CAMK4: variants seen among roughly 807,000 people sequenced by gnomAD.
CAMK4 encodes the protein calcium/calmodulin-dependent protein kinase type IV.
CAMK4 carries 22 observed loss-of-function variants against 44.9 expected under a neutral mutation model. The ratio of observed to expected loss-of-function variants is 0.49; its 90% CI spans 0.35 to 0.70. The LOEUF (loss-of-function observed/expected upper bound fraction) is 0.70, where lower values mean the gene tolerates loss of function less well. Among genes scored for constraint, CAMK4 ranks in the 30% least tolerant of loss-of-function variants. CAMK4 has a pLI of 0.01. For synonymous variants in CAMK4, 218 were observed against 215.4 expected, an observed-to-expected ratio of 1.01 and a Z score of -0.11; for missense variants, 498 against 586.8, an observed-to-expected ratio of 0.85 and a Z score of 1.56.
intron 4 of CAMK4, among the ~76,000 whole-genome samples, chr5:111,388,973 T>G (rs1751701854): frequency 6.6e-6 from 1 of 152,110 alleles, no homozygotes; most frequent in South Asian, 2.1e-4. Flanking sequence ...CCCTAGACAT[T>G]CCCACAAGAA....
At chr5:111,470,374 A>T (rs1440561182) in intron 7 of CAMK4, among the ~76,000 whole-genome samples, 1 of 152,258 alleles carries the variant, frequency 6.6e-6, no homozygotes, top group East Asian at 1.9e-4. Context: ...CTACAGATAC[A>T]GTTCCTTAAA....
intron 1 of CAMK4, among the ~76,000 whole-genome samples, chr5:111,233,313 T>C (rs1230255807): frequency 6.6e-6 from 1 of 152,230 alleles, no homozygotes; most frequent in East Asian, 1.9e-4. Context: ...GCACAAGCTT[T>C]AAATGCATAC....
In CAMK4 at chr5:111,381,198, G is replaced by T. The variant is rs76638719; in HGVS notation, c.386+4256G>T. ...TTCCTAAATCCTTCCCTTCCTTAGTGTATTAGTTAAGGATCTGTAAAGGGA... is the reference window on the plus strand; with the variant it reads ...TTCCTAAATCCTTCCCTTCCTTAGTTTATTAGTTAAGGATCTGTAAAGGGA... On this transcript the variant is annotated intron_variant, in intron 4 of 10. Transcript: ENST00000282356. 2.3e-3 allele frequency among the ~76,000 whole-genome samples: 356 copies of T among 152,212 alleles called. 1 individual carries two copies. Among genetic ancestry groups the T allele is most frequent in the African/African-American group, 8.1e-3 (336 of 41,522 alleles).
Position 111,376,856 on chromosome 5 carries a change from C to T in CAMK4, c.304-4C>T. The T allele has an allele frequency of 1.3e-6, 2 of 1,524,392 alleles. No individual in the cohort carries two copies. The highest frequency in any genetic ancestry group is 1.8e-6 in the Non-Finnish European group (2 of 1,109,898). 94.4% of individuals were successfully genotyped at this position (1,524,392 alleles called of 1,614,324 possible). On this transcript the variant is annotated splice_region_variant and splice_polypyrimidine_tract_variant and intron_variant, in intron 3 of 10. Transcript: ENST00000282356. ...GATATTCTTTTTTTTATATCTTTCC[C>T]TAGATAAAACTTAAAGAGATATTTG...
At chr5:111,308,476 C>T (rs1748040045) in intron 1 of CAMK4, among the ~76,000 whole-genome samples, 1 of 152,102 alleles carries the variant, frequency 6.6e-6, no homozygotes, top group Non-Finnish European at 1.5e-5. Flanking sequence ...ATTCCCTTTA[C>T]TGTAGTTATT....
intron 6 of CAMK4, 84 bp downstream of exon 6, chr5:111,446,860 A>G: frequency 2.5e-6 from 2 of 805,108 alleles, no homozygotes; most frequent in Non-Finnish European, 4.5e-6. Context: ...ATATTGCTCC[A>G]TCCAGTTTTA....
intron 1 of CAMK4, among the ~76,000 whole-genome samples, chr5:111,288,135 G>T (rs1405867660): frequency 3.3e-5 from 5 of 152,150 alleles, no homozygotes; most frequent in Admixed American, 3.3e-4. Context: ...CATGTTTTGA[G>T]CATGGTTCTA....
intron 1 of CAMK4, among the ~76,000 whole-genome samples, chr5:111,245,970 A>G (rs954460746): frequency 6.6e-6 from 1 of 152,220 alleles, no homozygotes; most frequent in Non-Finnish European, 1.5e-5. Context: ...TGATGTTAAC[A>G]TTATTTTTCT....
In CAMK4 at chr5:111,448,266, T is replaced by C. The variant is rs115183700; in HGVS notation, c.551-863T>C. On this transcript the variant is annotated intron_variant, in intron 6 of 10. Coordinates refer to ENST00000282356, the MANE Select transcript of CAMK4 (RefSeq NM_001744.6). ...CCAAAAAAATCTTATAGTCTTCTTA[T>C]GAGAGTAAATTCTTATAAGTGAAAT... Among the ~76,000 whole-genome samples, 472 of 152,374 alleles carry C rather than the reference T, an allele frequency of 3.1e-3. 2 individuals are homozygous for C. The highest frequency in any genetic ancestry group is 4.7e-3 in the Non-Finnish European group (322 of 68,040).
At position 111,413,925 on chromosome 5, in the gene CAMK4, T is replaced by A. The variant is rs1752719820; in HGVS notation, c.459+19143T>A. Among the ~76,000 whole-genome samples the A allele has an allele frequency of 2.0e-5, 3 of 152,000 alleles. No homozygotes were observed. In the East Asian group the frequency reaches 5.8e-4, roughly 29 times the overall value. On this transcript the variant is annotated intron_variant, in intron 5 of 10. Coordinates refer to ENST00000282356, the MANE Select transcript of CAMK4 (RefSeq NM_001744.6). ...TAAATGTATAAAAAGTGTCATAAAC[T>A]GATAATAAATTAGAAATTTAAATAT... is the stretch of plus-strand genomic sequence containing the variant.
chr5:111,459,686 CTTTTTTTTTTT>C (rs56176713), intron 7 of CAMK4, among the ~76,000 whole-genome samples: 12 of 86,682 alleles, frequency 1.4e-4, no homozygotes, highest in African/African-American at 4.5e-4. Context: ...TAGAGACAGT[CTTTTTTTTTTT>C]TTTTTTTTTT....
chr5:111,384,887 T>A (rs1199048198), intron 4 of CAMK4, among the ~76,000 whole-genome samples: 1 of 152,058 alleles, frequency 6.6e-6, no homozygotes, highest in East Asian at 1.9e-4. Flanking sequence ...CTTTTAAACA[T>A]GACAAAAAAA....
At chr5:111,466,617 ATACT>A (rs545116225) in intron 7 of CAMK4, among the ~76,000 whole-genome samples, 137 of 152,320 alleles carry the variant, frequency 9.0e-4, no homozygotes, top group African/African-American at 3.2e-3. Context: ...AAAAATTAAA[ATACT>A]TAGGAACAAA....
chr5:111,348,745 A>G (rs1447851779), intron 2 of CAMK4, among the ~76,000 whole-genome samples: 1 of 152,052 alleles, frequency 6.6e-6, no homozygotes, highest in Non-Finnish European at 1.5e-5. Context: ...TGGTATTTCA[A>G]CATTTCAGAT....
intron 1 of CAMK4, among the ~76,000 whole-genome samples, chr5:111,241,277 G>A (rs1748978284): frequency 6.6e-6 from 1 of 151,912 alleles, no homozygotes; most frequent in African/African-American, 2.4e-5. Context: ...CTTAGTCTTT[G>A]CCTGTTTTTC....
chr5:111,395,084 C>T (rs1203185427), intron 5 of CAMK4, among the ~76,000 whole-genome samples: 2 of 151,164 alleles, frequency 1.3e-5, no homozygotes, highest in African/African-American at 4.9e-5. Flanking sequence ...TGACGCACAC[C>T]TGTAATTCCA....
chr5:111,398,020 T>C (rs1317164824), intron 5 of CAMK4, among the ~76,000 whole-genome samples: 2 of 152,150 alleles, frequency 1.3e-5, no homozygotes, highest in Non-Finnish European at 2.9e-5. Context: ...ACTGTAAGGC[T>C]ACAGAGGTGT....
Position 111,374,834 on chromosome 5 carries a change from T to C in CAMK4, c.241-16T>C. On this transcript the variant is annotated splice_polypyrimidine_tract_variant and intron_variant, in intron 2 of 10. Coordinates refer to ENST00000282356, the MANE Select transcript of CAMK4 (RefSeq NM_001744.6). ...GGGAGTTTCTTTCAGTTTATCTCTT[T>C]TATTTTGCCTTTTAGGTGGACAAAA... 1.3e-6 allele frequency: 2 copies of C among 1,570,578 alleles called. No individual in the cohort carries two copies. Among genetic ancestry groups the C allele is most frequent in the Non-Finnish European group, 1.8e-6 (2 of 1,141,152 alleles).
In CAMK4 at chr5:111,256,207, A is replaced by G. The variant is rs559176400; in HGVS notation, c.161+31563A>G. 1.0e-3 allele frequency among the ~76,000 whole-genome samples: 157 copies of G among 152,366 alleles called. No individual in the cohort carries two copies. In the South Asian group the frequency reaches 0.031, roughly 30 times the overall value. On this transcript the variant is annotated intron_variant, in intron 1 of 10. Coordinates refer to ENST00000282356, the MANE Select transcript of CAMK4 (RefSeq NM_001744.6). ...TCTCAAAAGGTGTGATTCTGCTTAT[A>G]TAACACTTTCAAAATGACCAAATTA...
Sources: gnomAD v4.1 joint callset for allele counts (sites outside exome capture counted in the v4.1 genomes callset) on GRCh38, gnomAD v4.1.1 for gene constraint, MANE v1.5 for transcripts, NCBI Gene and HGNC (gene_info 2026-07-23, HGNC 2026-07-21) for gene names.